ITGBL1: variants seen among roughly 807,000 people sequenced by gnomAD.
ITGBL1 encodes integrin beta-like protein 1.
In ITGBL1, 51 loss-of-function variants were observed where a neutral mutation model predicts 68.5. The ratio of observed to expected loss-of-function variants is 0.74; its 90% confidence interval spans 0.59 to 0.94. ITGBL1 has a LOEUF of 0.94. Ranked by LOEUF, ITGBL1 falls within the 40% of genes least tolerant of loss-of-function variation. ITGBL1 has a pLI of 0.00. For missense variants in ITGBL1, 649 were observed against 647.4 expected (o/e 1.00, Z -0.03); for synonymous variants, 209 against 227.3 (o/e 0.92, Z 0.72).
At chr13:101,504,930 A>G (rs1391845893) in intron 2 of ITGBL1, among the ~76,000 whole-genome samples, 1 of 152,218 alleles carries the variant, frequency 6.6e-6, no homozygotes, top group Non-Finnish European at 1.5e-5. Flanking sequence ...GCCTTTTTGT[A>G]CAATTAGGGA....
At chr13:101,504,954 G>A (rs9557681) in intron 2 of ITGBL1, among the ~76,000 whole-genome samples, 2 of 152,192 alleles carry the variant, frequency 1.3e-5, no homozygotes, top group Admixed American at 6.5e-5. Flanking sequence ...TTCTACCTAA[G>A]TGGAAGAAGG....
chr13:101,488,299 T>A (rs1392284676), intron 2 of ITGBL1, among the ~76,000 whole-genome samples: 1 of 152,144 alleles, frequency 6.6e-6, no homozygotes, highest in Non-Finnish European at 1.5e-5. Flanking sequence ...TTAAAGGGAG[T>A]CTAGTTTTTA....
rs116408568 is a variant in ITGBL1, at chr13:101,479,094, C to T, written c.316+24994C>T. 6.7e-3 allele frequency among the ~76,000 whole-genome samples: 1,022 copies of T among 152,028 alleles called. 13 individuals carry two copies. Among genetic ancestry groups the T allele is most frequent in the African/African-American group, 0.023 (948 of 41,492 alleles). On this transcript the variant is annotated intron_variant, in intron 2 of 10. Coordinates refer to ENST00000376180, the MANE Select transcript of ITGBL1 (RefSeq NM_004791.3). The stretch of plus-strand genomic sequence containing the variant: ...CTATAGTAACCCAAATAGTATAGTA[C>T]TAGCATAAAAACAGACATATAGACT...
chr13:101,505,868 C>T (rs773303939), intron 2 of ITGBL1, among the ~76,000 whole-genome samples: 21 of 152,204 alleles, frequency 1.4e-4, no homozygotes, highest in Admixed American at 2.6e-4. Context: ...TCTTCAGAAA[C>T]TATTAAACTG....
Position 101,551,231 on chromosome 13 carries a change from G to T in ITGBL1, c.317-16468G>T, listed in dbSNP as rs191467996. On this transcript the variant is annotated intron_variant, in intron 2 of 10. Transcript: ENST00000376180. The stretch of plus-strand genomic sequence containing the variant: ...GCATATTAGTTTATCTTAGAGAAAT[G>T]TCAGTAGGATGGTGGGAATAAAATC... Among the ~76,000 whole-genome samples, 494 of 152,332 alleles carry T rather than the reference G, an allele frequency of 3.2e-3. 1 individual carries two copies. Among genetic ancestry groups the T allele is most frequent in the Admixed American group, 7.7e-3 (118 of 15,302 alleles).
At chr13:101,571,506 A>C (rs900369524) in intron 3 of ITGBL1, among the ~76,000 whole-genome samples, 2 of 152,104 alleles carry the variant, frequency 1.3e-5, no homozygotes, top group African/African-American at 4.8e-5. Context: ...CATCTGTATT[A>C]ATATATTTTA....
chr13:101,661,576 A>G (rs1337671439), intron 7 of ITGBL1, among the ~76,000 whole-genome samples: 1 of 152,232 alleles, frequency 6.6e-6, no homozygotes, highest in African/African-American at 2.4e-5. Flanking sequence ...GTCCAGTAAT[A>G]AAACAAACAA....
At chr13:101,564,554 CAAT>C (rs923135540) in intron 2 of ITGBL1, among the ~76,000 whole-genome samples, 18 of 149,656 alleles carry the variant, frequency 1.2e-4, no homozygotes, top group African/African-American at 3.9e-4. Context: ...GTATATATAA[CAAT>C]ATATAACAAT....
intron 2 of ITGBL1, among the ~76,000 whole-genome samples, chr13:101,496,783 A>G (rs933750826): frequency 4.6e-5 from 7 of 152,188 alleles, no homozygotes; most frequent in African/African-American, 1.4e-4. Flanking sequence ...TCTGACTTTC[A>G]GGTAGGACAA....
At chr13:101,574,451 C>G (rs1655123155) in intron 3 of ITGBL1, among the ~76,000 whole-genome samples, 1 of 152,250 alleles carries the variant, frequency 6.6e-6, no homozygotes. Flanking sequence ...CTATGTGCTT[C>G]TGCAACACTT....
intron 7 of ITGBL1, among the ~76,000 whole-genome samples, chr13:101,608,728 GATTC>G (rs1390009448): frequency 6.6e-6 from 1 of 151,996 alleles, no homozygotes; most frequent in Non-Finnish European, 1.5e-5. Context: ...CTGCTAGATT[GATTC>G]ATTATTTCTG....
At chr13:101,616,694 T>G (rs1293955718) in intron 7 of ITGBL1, among the ~76,000 whole-genome samples, 1 of 152,188 alleles carries the variant, frequency 6.6e-6, no homozygotes, top group African/African-American at 2.4e-5. Context: ...TTTCACCACA[T>G]TGGCCAGGCT....
intron 2 of ITGBL1, among the ~76,000 whole-genome samples, chr13:101,462,951 C>T (rs761833720): frequency 2.6e-5 from 4 of 152,154 alleles, no homozygotes; most frequent in African/African-American, 9.7e-5. Context: ...GACTTAAGCC[C>T]AACAGTTGCC....
intron 7 of ITGBL1, among the ~76,000 whole-genome samples, chr13:101,679,310 C>T (rs1002667901): frequency 6.6e-6 from 1 of 152,308 alleles, no homozygotes; most frequent in African/African-American, 2.4e-5. Context: ...CAGCATTTAT[C>T]TCATAAAGTA....
chr13:101,688,086 G>C (rs9518493), intron 7 of ITGBL1, among the ~76,000 whole-genome samples: 1 of 151,880 alleles, frequency 6.6e-6, no homozygotes, highest in Non-Finnish European at 1.5e-5. Flanking sequence ...AAAAGAAAAA[G>C]ATTGGACTCA....
In ITGBL1 at chr13:101,651,736, AT is replaced by A. The variant is rs1347417666; in HGVS notation, c.1016-40844del. ...TTGCTTTTGACGTTTTCATCATGAA[AT>A]TTTTGCCCGGGTCTATGTCCTAAAT... On this transcript the variant is annotated intron_variant, in intron 7 of 10. Transcript: ENST00000376180. Among the ~76,000 whole-genome samples the A allele has an allele frequency of 7.9e-5, 12 of 150,986 alleles. No individual in the cohort carries two copies. The Admixed American group carries it at 8.0e-4, about 10-fold the overall frequency.
intron 6 of ITGBL1, among the ~76,000 whole-genome samples, chr13:101,589,354 A>G (rs1042094230): frequency 6.6e-6 from 1 of 152,210 alleles, no homozygotes; most frequent in Non-Finnish European, 1.5e-5. Flanking sequence ...CTCTCCCCAG[A>G]CAATAAAACC....
intron 7 of ITGBL1, among the ~76,000 whole-genome samples, chr13:101,618,515 A>C (rs1036469927): frequency 5.9e-5 from 9 of 152,204 alleles, no homozygotes; most frequent in Non-Finnish European, 1.2e-4. Context: ...ACCAGAAACA[A>C]ATAAATGATT....
intron 7 of ITGBL1, among the ~76,000 whole-genome samples, chr13:101,611,324 T>C (rs2031116993): frequency 6.6e-6 from 1 of 152,204 alleles, no homozygotes; most frequent in Non-Finnish European, 1.5e-5. Context: ...AGTTTTTCCA[T>C]GAACAAGACA....
Sources: allele counts gnomAD v4.1 joint callset (sites outside exome capture counted in the v4.1 genomes callset), GRCh38; gene constraint gnomAD v4.1.1; transcripts MANE v1.5; gene names NCBI Gene and HGNC (gene_info 2026-07-23, HGNC 2026-07-21).